Variants in MIPEP observed in about 807,000 individuals in gnomAD.
MIPEP encodes mitochondrial intermediate peptidase.
Under a neutral mutation model 90.3 loss-of-function variants are expected in MIPEP, and 79 were observed. That is an observed-to-expected ratio of 0.87 (90% confidence interval 0.73 to 1.05). The LOEUF is 1.05. MIPEP is among the 50% of genes least tolerant of loss of function. The probability of loss-of-function intolerance (pLI) is 0.00; values close to 1 mark genes in which losing one functional copy is unlikely to be tolerated. For synonymous variants in MIPEP, 334 were observed against 315.8 expected (o/e 1.06, Z -0.61); for missense variants, 940 against 905.6 (o/e 1.04, Z -0.49).
intron 18 of MIPEP, among the ~76,000 whole-genome samples, chr13:23,737,598 T>C (rs373792862): frequency 8.2e-4 from 125 of 152,348 alleles, no homozygotes; most frequent in African/African-American, 2.9e-3. Flanking sequence ...TCCTGTTATT[T>C]TGTAATACAT....
intron 14 of MIPEP, among the ~76,000 whole-genome samples, chr13:23,810,547 T>A (rs1953160530): frequency 6.6e-6 from 1 of 152,242 alleles, no homozygotes; most frequent in Admixed American, 6.5e-5. Flanking sequence ...AATAAATTAA[T>A]AATGTAGTTG....
intron 16 of MIPEP, among the ~76,000 whole-genome samples, chr13:23,791,629 CT>C: frequency 6.6e-6 from 1 of 152,334 alleles, no homozygotes; most frequent in African/African-American, 2.4e-5. Context: ...GCATCACTGG[CT>C]TTTCAGTCTT....
At chr13:23,864,751 A>G (rs1870459038) in intron 7 of MIPEP, among the ~76,000 whole-genome samples, 1 of 146,526 alleles carries the variant, frequency 6.8e-6, no homozygotes, top group Admixed American at 6.8e-5. Flanking sequence ...AAAAAAAAAA[A>G]AGAGTTAATG....
chr13:23,746,196 T>C (rs1383141365), intron 18 of MIPEP, among the ~76,000 whole-genome samples: 1 of 151,138 alleles, frequency 6.6e-6, no homozygotes, highest in Non-Finnish European at 1.5e-5. Flanking sequence ...GTATTTTTAG[T>C]ACAGATGGAG....
At chr13:23,834,864 C>T (rs1868957825) in intron 14 of MIPEP, among the ~76,000 whole-genome samples, 1 of 152,000 alleles carries the variant, frequency 6.6e-6, no homozygotes, top group African/African-American at 2.4e-5. Context: ...TAGGGTATGC[C>T]TCTCTATGTT....
At chr13:23,824,987 T>A (rs941727308) in intron 14 of MIPEP, among the ~76,000 whole-genome samples, 2 of 152,238 alleles carry the variant, frequency 1.3e-5, no homozygotes, top group African/African-American at 4.8e-5. Flanking sequence ...CTAAAAATAT[T>A]CCAATAATAC....
At chr13:23,761,640 A>G (rs1008370058) in intron 16 of MIPEP, among the ~76,000 whole-genome samples, 2 of 152,222 alleles carry the variant, frequency 1.3e-5, no homozygotes, top group African/African-American at 4.8e-5. Flanking sequence ...GTGCAGGGCT[A>G]TGCAAGCACG....
Position 23,730,217 on chromosome 13 carries a change from T to G in MIPEP, c.*131A>C. The G allele has an allele frequency of 1.6e-6, 1 of 633,594 alleles. No homozygotes were observed. The highest frequency in any genetic ancestry group is 2.0e-5 in the South Asian group (1 of 49,386). The allele number at this position is 633,594 out of a possible 1,614,324, so 39.2% of individuals were successfully genotyped here. A position where few individuals can be genotyped will look rare whatever the true frequency, so the allele number is the denominator to read the frequency against. ...TTAAAACAAATTATTTATTCCAAGT[T>G]CTACCAGTTTAAAGTTTTTCAGAAT... On this transcript the variant is annotated 3_prime_UTR_variant, in exon 19 of 19. Transcript: ENST00000382172.
In MIPEP at chr13:23,869,326, G is replaced by A. The variant is rs1026906191; in HGVS notation, c.909C>T (p.His303=). The A allele has an allele frequency of 1.9e-6, 3 of 1,611,906 alleles. No individual in the cohort carries two copies. Among genetic ancestry groups the A allele is most frequent in the African/African-American group, 2.7e-5 (2 of 74,962 alleles). ...AKLVGYSTFS[H]RALQGTIAKN... ...TAGCTATCGTTCCTTGGAGAGCCCTGTGAGAAAACGTGGAATACCCCACCA... is the reference window on the plus strand; with the variant it reads ...TAGCTATCGTTCCTTGGAGAGCCCTATGAGAAAACGTGGAATACCCCACCA... Residue 303 remains histidine (H), a synonymous_variant, in exon 7 of 19, where the codon CAC becomes CAT. Coordinates refer to ENST00000382172, the MANE Select transcript of MIPEP (RefSeq NM_005932.4).
At chr13:23,851,248 C>G (rs1459709571) in intron 10 of MIPEP, among the ~76,000 whole-genome samples, 1 of 152,180 alleles carries the variant, frequency 6.6e-6, no homozygotes, top group Non-Finnish European at 1.5e-5. Context: ...TCTCACTCAA[C>G]AAGCTCCTAA....
intron 1 of MIPEP, among the ~76,000 whole-genome samples, chr13:23,887,045 G>A (rs566762714): frequency 3.3e-5 from 5 of 152,276 alleles, no homozygotes; most frequent in African/African-American, 9.6e-5. Context: ...CAGCTGACAA[G>A]GTGAGATCTC....
At chr13:23,759,541 G>A (rs1451639911) in intron 17 of MIPEP, among the ~76,000 whole-genome samples, 1 of 151,610 alleles carries the variant, frequency 6.6e-6, no homozygotes, top group Non-Finnish European at 1.5e-5. Flanking sequence ...CCCAGCCACA[G>A]CATAGAATCC....
chr13:23,813,832 C>G (rs763054984), intron 14 of MIPEP, among the ~76,000 whole-genome samples: 4 of 152,178 alleles, frequency 2.6e-5, no homozygotes, highest in Non-Finnish European at 4.4e-5. Flanking sequence ...AGAAGGTTGA[C>G]TGTAATTCAA....
At chr13:23,885,862 G>A (rs1871455562) in intron 2 of MIPEP, among the ~76,000 whole-genome samples, 1 of 150,244 alleles carries the variant, frequency 6.7e-6, no homozygotes, top group African/African-American at 2.4e-5. Flanking sequence ...TTCACTTGGG[G>A]CTAGGAGTTC....
At chr13:23,809,343 A>C (rs1471420533) in intron 15 of MIPEP, among the ~76,000 whole-genome samples, 1 of 148,018 alleles carries the variant, frequency 6.8e-6, no homozygotes, top group Non-Finnish European at 1.5e-5. Context: ...TGAAAACGGG[A>C]AATAGTCTTT....
intron 3 of MIPEP, among the ~76,000 whole-genome samples, chr13:23,880,823 TC>T (rs1235968839): frequency 6.6e-6 from 1 of 152,216 alleles, no homozygotes; most frequent in Non-Finnish European, 1.5e-5. Flanking sequence ...TGTTGGGTCT[TC>T]CAAGGAAGCC....
chr13:23,810,521 T>C (rs1445505771), intron 14 of MIPEP, among the ~76,000 whole-genome samples: 2 of 152,240 alleles, frequency 1.3e-5, no homozygotes, highest in Admixed American at 1.3e-4. Context: ...CCCTATAACA[T>C]ACAGATCCTC....
chr13:23,879,508 C>T (rs1226616199), intron 3 of MIPEP, among the ~76,000 whole-genome samples, 154 bp from the exon 4 acceptor site: 1 of 151,920 alleles, frequency 6.6e-6, no homozygotes, highest in African/African-American at 2.4e-5. Context: ...TTCCTTCCTT[C>T]TTTCCTTCCC....
intron 18 of MIPEP, among the ~76,000 whole-genome samples, chr13:23,747,986 G>T (rs1185207760): frequency 6.6e-6 from 1 of 152,062 alleles, no homozygotes; most frequent in African/African-American, 2.4e-5. Context: ...TGATCAGCCC[G>T]CCTCGGCTTC....
Sources: gnomAD v4.1 joint callset for allele counts (sites outside exome capture counted in the v4.1 genomes callset) on GRCh38, gnomAD v4.1.1 for gene constraint, MANE v1.5 for transcripts, NCBI Gene and HGNC (gene_info 2026-07-23, HGNC 2026-07-21) for gene names.